Variants in CAB39 observed in about 807,000 individuals in gnomAD.
The protein encoded by CAB39 is calcium binding protein 39.
CAB39 carries 8 observed loss-of-function variants against 40.0 expected under a neutral mutation model. The ratio of observed to expected loss-of-function variants is 0.20; its 90% CI spans 0.12 to 0.36. The LOEUF is 0.36. Ranked by LOEUF, CAB39 falls within the 10% of genes least tolerant of loss-of-function variation. The pLI is 1.00. For synonymous variants in CAB39, 156 were observed against 141.6 expected (o/e 1.10, Z -0.72); for missense variants, 270 against 401.1 (o/e 0.67, Z 2.79).
chr2:230,727,265 T>C (rs1453773205), intron 1 of CAB39, among the ~76,000 whole-genome samples: 1 of 147,338 alleles, frequency 6.8e-6, no homozygotes, highest in Admixed American at 6.8e-5. Flanking sequence ...GGTACCCTTA[T>C]GGAAGCTAAA....
chr2:230,819,669 A>G lies in CAB39; in HGVS notation c.*965A>G, dbSNP rs1359247392. The G allele has an allele frequency of 1.3e-5, 2 of 152,540 alleles. No individual in the cohort carries two copies. The highest frequency in any genetic ancestry group is 4.8e-5 in the African/African-American group (2 of 41,588). The allele number at this position is 152,540 out of a possible 1,614,324, so 9.4% of individuals were successfully genotyped here. On this transcript the variant is annotated 3_prime_UTR_variant, in exon 9 of 9. Coordinates refer to ENST00000258418, the MANE Select transcript of CAB39 (RefSeq NM_016289.4). ...TTTAAGTATCACAGCATTAAAAGAA[A>G]AAGAAAGTAAACCAGTCCTTTGTAT...
chr2:230,807,679 C>T (rs1696224715), intron 5 of CAB39, among the ~76,000 whole-genome samples: 1 of 152,198 alleles, frequency 6.6e-6, no homozygotes, highest in African/African-American at 2.4e-5. Flanking sequence ...TTTTGAGATA[C>T]CTTACAGAGT....
intron 1 of CAB39, among the ~76,000 whole-genome samples, chr2:230,746,782 A>G (rs1045139533): frequency 6.6e-6 from 1 of 151,670 alleles, no homozygotes; most frequent in African/African-American, 2.4e-5. Context: ...TTTCTGTAGG[A>G]TTTTTTTTGT....
Position 230,818,965 on chromosome 2 carries a change from G to T in CAB39, c.*261G>T. 2 of 353,060 alleles carry T rather than the reference G, an allele frequency of 5.7e-6. No individual in the cohort carries two copies. Among genetic ancestry groups the T allele is most frequent in the South Asian group, 5.8e-5 (2 of 34,544 alleles). The allele number at this position is 353,060 out of a possible 1,614,324, so 21.9% of individuals were successfully genotyped here. Reference sequence around the variant, plus strand: ...CTGTGCTACGGGAGTTCTGAACATGGCTGGGTTCATGAAGGCAAATGTATG... The same window carrying T: ...CTGTGCTACGGGAGTTCTGAACATGTCTGGGTTCATGAAGGCAAATGTATG... On this transcript the variant is annotated 3_prime_UTR_variant, in exon 9 of 9. Coordinates refer to ENST00000258418, the MANE Select transcript of CAB39 (RefSeq NM_016289.4).
At chr2:230,812,181 G>C (rs1283971057) in intron 6 of CAB39, among the ~76,000 whole-genome samples, 1 of 152,182 alleles carries the variant, frequency 6.6e-6, no homozygotes, top group African/African-American at 2.4e-5. Flanking sequence ...CAAAAGAAAC[G>C]TAGCCTTTCC....
chr2:230,811,589 G>T (rs979550648), intron 6 of CAB39, among the ~76,000 whole-genome samples: 1 of 152,140 alleles, frequency 6.6e-6, no homozygotes, highest in Non-Finnish European at 1.5e-5. Context: ...CCCTACCATG[G>T]GCTGGTAGGA....
At chr2:230,789,361 C>G (rs1190649848) in intron 2 of CAB39, among the ~76,000 whole-genome samples, 1 of 152,168 alleles carries the variant, frequency 6.6e-6, no homozygotes, top group Admixed American at 6.5e-5. Context: ...CCATCTGTGC[C>G]ATTTCCACAG....
intron 2 of CAB39, among the ~76,000 whole-genome samples, chr2:230,787,773 G>A (rs1434522249): frequency 6.6e-6 from 1 of 152,196 alleles, no homozygotes. Context: ...CAAAGAACCT[G>A]AGGGGAGGTT....
chr2:230,738,255 C>G (rs1444949961), intron 1 of CAB39, among the ~76,000 whole-genome samples: 1 of 152,198 alleles, frequency 6.6e-6, no homozygotes, highest in African/African-American at 2.4e-5. Flanking sequence ...CCTGAAACAC[C>G]TAGCGAATAT....
intron 2 of CAB39, among the ~76,000 whole-genome samples, chr2:230,768,518 C>G (rs1005266162): frequency 6.6e-6 from 1 of 152,064 alleles, no homozygotes; most frequent in South Asian, 2.1e-4. Flanking sequence ...TTTTGGTGAT[C>G]TAGGACAGTT....
At chr2:230,736,653 C>T (rs951440058) in intron 1 of CAB39, among the ~76,000 whole-genome samples, 2 of 152,122 alleles carry the variant, frequency 1.3e-5, no homozygotes, top group Admixed American at 1.3e-4. Context: ...TTTATTAATG[C>T]GAGCTCTGGG....
At chr2:230,768,958 G>C (rs1212545401) in intron 2 of CAB39, among the ~76,000 whole-genome samples, 1 of 152,140 alleles carries the variant, frequency 6.6e-6, no homozygotes, top group Non-Finnish European at 1.5e-5. Flanking sequence ...AAAAAACAGA[G>C]ATTGTCAGAT....
chr2:230,760,910 T>C (rs977805219), intron 2 of CAB39, among the ~76,000 whole-genome samples: 1 of 152,276 alleles, frequency 6.6e-6, no homozygotes, highest in South Asian at 2.1e-4. Flanking sequence ...TACTGCACTT[T>C]CTAAAAATCT....
At chr2:230,777,546 A>G (rs1235004565) in intron 2 of CAB39, among the ~76,000 whole-genome samples, 1 of 151,658 alleles carries the variant, frequency 6.6e-6, no homozygotes, top group Non-Finnish European at 1.5e-5. Flanking sequence ...CAGCCTCCCA[A>G]GTAGCTGGGA....
rs573803733 is a variant in CAB39 at position 230,818,895 on chromosome 2, A to C, written c.*191A>C. 1.7e-5 allele frequency: 9 copies of C among 523,706 alleles called. No homozygotes were observed. In the African/African-American group the frequency reaches 1.7e-4, roughly 10 times the overall value. The allele number at this position is 523,706 out of a possible 1,614,324, so 32.4% of individuals were successfully genotyped here. Reference sequence around the variant, plus strand: ...TGCTGCTGCTTGCACACTAGGGCACATGTGGGCTTTCTCTTGATCTTTGTG... The same window carrying C: ...TGCTGCTGCTTGCACACTAGGGCACCTGTGGGCTTTCTCTTGATCTTTGTG... On this transcript the variant is annotated 3_prime_UTR_variant, in exon 9 of 9. Transcript: ENST00000258418.
intron 2 of CAB39, among the ~76,000 whole-genome samples, chr2:230,771,279 ATT>A (rs2124931462): frequency 6.6e-6 from 1 of 152,310 alleles, no homozygotes; most frequent in South Asian, 2.1e-4. Context: ...AATACCTTGT[ATT>A]CAAGAGTGTT....
At chr2:230,725,163 A>G in intron 1 of CAB39, 2 of 1,613,190 alleles carry the variant, frequency 1.2e-6, no homozygotes, top group Non-Finnish European at 1.7e-6. Flanking sequence ...GCGTCGCACC[A>G]CTCTCGAAGG....
rs185833274 is a variant in CAB39, at chr2:230,757,270, A to T, written c.-43-2689A>T. Among the ~76,000 whole-genome samples the T allele has an allele frequency of 9.7e-3, 1,474 of 152,042 alleles. 25 individuals are homozygous for T. The highest frequency in any genetic ancestry group is 0.033 in the African/African-American group (1,388 of 41,448). On this transcript the variant is annotated intron_variant, in intron 1 of 8. Coordinates refer to ENST00000258418, the MANE Select transcript of CAB39 (RefSeq NM_016289.4). ...ATCACCATGCCCACCTAATTTTTAA[A>T]TTTTTTGTAGAGACAGGGTCTCCCT... is the stretch of plus-strand genomic sequence containing the variant.
At chr2:230,812,151 T>G (rs1696316685) in intron 6 of CAB39, among the ~76,000 whole-genome samples, 1 of 152,102 alleles carries the variant, frequency 6.6e-6, no homozygotes, top group Non-Finnish European at 1.5e-5. Flanking sequence ...ATTTGTAGAG[T>G]AAAATTCATG....
Sources: allele counts gnomAD v4.1 joint callset (sites outside exome capture counted in the v4.1 genomes callset), GRCh38; gene constraint gnomAD v4.1.1; transcripts MANE v1.5; gene names NCBI Gene and HGNC (gene_info 2026-07-23, HGNC 2026-07-21).